Variants in CFAP74 observed in about 807,000 individuals in gnomAD.
CFAP74 encodes the protein cilia and flagella associated protein 74.
In CFAP74, 124 loss-of-function variants were observed where a neutral mutation model predicts 188.9. The observed-to-expected ratio is 0.66, with a 90% CI of 0.57 to 0.76. The LOEUF is 0.76. Among genes scored for constraint, CFAP74 ranks in the 30% least tolerant of loss-of-function variants. CFAP74 has a pLI of 0.00. For missense variants in CFAP74, 2,198 were observed against 2,165.2 expected (o/e 1.02, Z -0.30); for synonymous variants, 956 against 916.7 (o/e 1.04, Z -0.77).
intron 27 of CFAP74, among the ~76,000 whole-genome samples, chr1:1,928,136 C>T (rs930708633): frequency 9.3e-5 from 14 of 151,106 alleles, no homozygotes; most frequent in South Asian, 4.2e-4. Context: ...GAAGCCAGGC[C>T]GGGAAGGGCA....
At chr1:1,977,152 C>T (rs1656502371) in intron 6 of CFAP74, among the ~76,000 whole-genome samples, 1 of 152,154 alleles carries the variant, frequency 6.6e-6, no homozygotes, top group Non-Finnish European at 1.5e-5. Context: ...CCAGCCACCT[C>T]TTTTCTTTAT....
In CFAP74 at chr1:1,975,609, G is replaced by A. The variant is rs2102086149; in HGVS notation, c.501-1411C>T. 6.6e-6 allele frequency among the ~76,000 whole-genome samples: 1 copy of A among 152,296 alleles called. No individual in the cohort carries two copies. Among genetic ancestry groups the A allele is most frequent in the Admixed American group, 6.5e-5 (1 of 15,292 alleles). On this transcript the variant is annotated intron_variant, in intron 6 of 38. Transcript: ENST00000682832. This position sits in a 1 kb window ranked among gnomAD's most constrained non-coding sequence, Gnocchi z 4.5. ...ATTTTAAACAGAGGGCTCCTTTCCA[G>A]GGAGCATGGGTCACTTCGGATCTCT...
At chr1:1,971,202 T>G (rs1056729319) in intron 9 of CFAP74, among the ~76,000 whole-genome samples, 1 of 146,166 alleles carries the variant, frequency 6.8e-6, no homozygotes, top group Non-Finnish European at 1.5e-5. Flanking sequence ...CGTGCTTACA[T>G]GCACACCTGC....
intron 6 of CFAP74, among the ~76,000 whole-genome samples, chr1:1,981,769 G>A (rs371917271): frequency 7.0e-5 from 7 of 100,432 alleles, no homozygotes; most frequent in Admixed American, 9.6e-5. Context: ...ACACGCGGGG[G>A]CACGCAGGAC....
At chr1:1,927,774 C>A in intron 27 of CFAP74, 28 bp from the exon 28 acceptor site, 1 of 1,544,638 alleles carries the variant, frequency 6.5e-7, no homozygotes. Flanking sequence ...GGCTGTGGGG[C>A]TGTGCAGGGC....
rs1169533998 is a variant in CFAP74 at position 1,939,619 on chromosome 1, T to A, written c.2852A>T (p.Glu951Val). The change falls in exon 24 of 39, where the codon GAG becomes GTG. Residue 951 changes from glutamate to valine, a missense_variant. Transcript: ENST00000682832. ...CTTGGGAAGCCTGACGAACCCGAAC[T>A]CCTGGGGCAGGAGCGAGTGGTTGTG... The part of the protein sequence containing the change: ...SLHNHSLLPQ[E>V]FGFVRLPKFV... 1 of 1,535,790 alleles carries A rather than the reference T, an allele frequency of 6.5e-7. No homozygotes were observed. The highest frequency in any genetic ancestry group is 8.7e-7 in the Non-Finnish European group (1 of 1,146,762).
chr1:1,971,191 A>C, intron 9 of CFAP74, among the ~76,000 whole-genome samples: 1 of 151,448 alleles, frequency 6.6e-6, no homozygotes, highest in African/African-American at 2.4e-5. Flanking sequence ...ACGTGCACAG[A>C]CGTGCTTACA....
chr1:1,997,337 G>A (rs537735046), intron 1 of CFAP74, among the ~76,000 whole-genome samples: 15 of 151,770 alleles, frequency 9.9e-5, no homozygotes, highest in African/African-American at 3.1e-4. Context: ...CAGGAGAAAC[G>A]TTTGAACCCA....
chr1:1,991,822 G>A (rs6605076), intron 1 of CFAP74, among the ~76,000 whole-genome samples: 143,108 of 151,804 alleles, frequency 0.94, 67,482 homozygotes, highest in East Asian at 0.99. Flanking sequence ...GGCGGATCAC[G>A]AGGTCAGGAG....
At chr1:2,001,530 G>A (rs562420048) in intron 1 of CFAP74, among the ~76,000 whole-genome samples, 3 of 152,242 alleles carry the variant, frequency 2.0e-5, no homozygotes, top group Middle Eastern at 6.8e-3. Context: ...GTTTCACCGT[G>A]TTAGCCAGGA....
At chr1:1,944,203 CTCACCCCGTGTGCGTGGG>C in intron 21 of CFAP74, 110 bp downstream of exon 21, 2 of 1,442,320 alleles carry the variant, frequency 1.4e-6, no homozygotes, top group East Asian at 2.5e-5. Flanking sequence ...CAGGCAGCGG[CTCACCCCGTGTGCGTGGG>C]TCACCCCGTG....
intron 23 of CFAP74, among the ~76,000 whole-genome samples, chr1:1,940,083 G>A (rs766412664): frequency 1.3e-5 from 2 of 150,034 alleles, no homozygotes; most frequent in Non-Finnish European, 2.9e-5. Flanking sequence ...GCACATGCAG[G>A]TGCAGGTGCC....
At chr1:1,950,591 C>T (rs565470596) in intron 18 of CFAP74, among the ~76,000 whole-genome samples, 13 of 152,256 alleles carry the variant, frequency 8.5e-5, no homozygotes, top group East Asian at 5.8e-4. Flanking sequence ...CTGCTCACCT[C>T]GGCCGCCCAA....
At chr1:1,991,469 G>A (rs1372207070) in intron 1 of CFAP74, among the ~76,000 whole-genome samples, 1 of 152,130 alleles carries the variant, frequency 6.6e-6, no homozygotes, top group South Asian at 2.1e-4. Context: ...TGGGTGTGGT[G>A]GCGCATGCCT....
intron 25 of CFAP74, among the ~76,000 whole-genome samples, chr1:1,933,175 C>T (rs1345828800): frequency 3.4e-5 from 5 of 147,766 alleles, no homozygotes; most frequent in Admixed American, 6.8e-5. Flanking sequence ...CGGGAGCCAC[C>T]GTGCCTGACC....
rs1425778497 is a variant in CFAP74, at chr1:1,988,899, C to T, written c.142G>A (p.Gly48Arg). 2 of 1,490,548 alleles carry T rather than the reference C, an allele frequency of 1.3e-6. No homozygotes were observed. Among genetic ancestry groups the T allele is most frequent in the Non-Finnish European group, 9.1e-7 (1 of 1,104,742 alleles). The allele number at this position is 1,490,548 out of a possible 1,614,324, so 92.3% of individuals were successfully genotyped here. A position where few individuals can be genotyped will look rare whatever the true frequency, so the allele number is the denominator to read the frequency against. The change falls in exon 3 of 39, where the codon GGA (glycine) becomes AGA (arginine). Residue 48 changes from glycine (G) to arginine (R), a missense_variant. Physicochemically the swap from Gly to Arg is moderately radical, Grantham distance 125. Coordinates refer to ENST00000682832, the MANE Select transcript of CFAP74 (RefSeq NM_001304360.2). ...GATCCTCCGAGTTACCTGCTGTGTC[C>T]CGGGTCCACGTCATCCTCAGCTTCC... Reference protein sequence around the residue: ...LQEAEDDVDPGHSSSVKELDT... With the variant: ...LQEAEDDVDPRHSSSVKELDT...
At chr1:1,926,371 G>A in intron 31 of CFAP74, 24 bp from the exon 32 acceptor site, 1 of 1,549,860 alleles carries the variant, frequency 6.5e-7, no homozygotes, top group Non-Finnish European at 8.7e-7. Flanking sequence ...TCAAGGAGGG[G>A]ATACAGGTGT....
intron 25 of CFAP74, among the ~76,000 whole-genome samples, chr1:1,933,790 T>G (rs747030917): frequency 7.2e-5 from 11 of 152,238 alleles, no homozygotes; most frequent in Admixed American, 2.6e-4. Context: ...ACTTCCACTT[T>G]TACCTTTTTT....
intron 19 of CFAP74, 21 bp from the exon 20 acceptor site, chr1:1,946,460 T>C: frequency 6.6e-7 from 1 of 1,522,540 alleles, no homozygotes; most frequent in Non-Finnish European, 8.8e-7. Flanking sequence ...AGAGATGCCA[T>C]GGGGTCTGCC....
Sources: allele counts gnomAD v4.1 joint callset (sites outside exome capture counted in the v4.1 genomes callset), GRCh38; gene constraint gnomAD v4.1.1; non-coding constraint Gnocchi (gnomAD v3.1); transcripts MANE v1.5; gene names NCBI Gene and HGNC (gene_info 2026-07-23, HGNC 2026-07-21).